The following PAK5 variants were observed in gnomAD, a reference collection of about 807,000 sequenced individuals.
PAK5 encodes the protein p21 (RAC1) activated kinase 5.
Under a neutral mutation model 65.9 loss-of-function variants are expected in PAK5, and 16 were observed. The ratio of observed to expected loss-of-function variants is 0.24; its 90% CI spans 0.16 to 0.37. PAK5 has a LOEUF of 0.37. PAK5 is among the 10% of genes least tolerant of loss of function. PAK5 has a pLI of 1.00. For synonymous variants in PAK5, 371 were observed against 354.9 expected (o/e 1.05, Z -0.51); for missense variants, 785 against 903.9 (o/e 0.87, Z 1.69).
chr20:9,595,106 TACACATATAC>T (rs1568987134), intron 3 of PAK5, among the ~76,000 whole-genome samples: 4 of 150,882 alleles, frequency 2.7e-5, no homozygotes, highest in African/African-American at 7.3e-5. Context: ...TACATATATA[TACACATATAC>T]ATATATATAG....
At chr20:9,746,707 C>T (rs990769747) in intron 1 of PAK5, among the ~76,000 whole-genome samples, 3 of 152,016 alleles carry the variant, frequency 2.0e-5, no homozygotes, top group Non-Finnish European at 2.9e-5. Flanking sequence ...TTCAAATAGC[C>T]ACAGTGGCTA....
At chr20:9,641,646 G>A (rs1353079563) in intron 3 of PAK5, among the ~76,000 whole-genome samples, 1 of 152,014 alleles carries the variant, frequency 6.6e-6, no homozygotes, top group African/African-American at 2.4e-5. Context: ...AGGGGGTGGT[G>A]CTCGTCAGGG....
chr20:9,732,193 T>A (rs77416239), intron 1 of PAK5, among the ~76,000 whole-genome samples: 2 of 39,906 alleles, frequency 5.0e-5, no homozygotes, highest in Non-Finnish European at 1.1e-4. Context: ...AAGTTTAAGT[T>A]AAAAAAAAAG....
At chr20:9,791,567 C>T (rs2049050545) in intron 1 of PAK5, among the ~76,000 whole-genome samples, 1 of 152,110 alleles carries the variant, frequency 6.6e-6, no homozygotes, top group Non-Finnish European at 1.5e-5. Context: ...CTGAGTCCTT[C>T]TTTTCCCACC....
At chr20:9,676,499 G>C (rs1430481601) in intron 2 of PAK5, among the ~76,000 whole-genome samples, 1 of 152,092 alleles carries the variant, frequency 6.6e-6, no homozygotes, top group Non-Finnish European at 1.5e-5. Context: ...CCTGGGAACT[G>C]TGTGAATATT....
At chr20:9,719,448 C>A (rs1211469763) in intron 1 of PAK5, among the ~76,000 whole-genome samples, 1 of 152,064 alleles carries the variant, frequency 6.6e-6, no homozygotes, top group Non-Finnish European at 1.5e-5. Flanking sequence ...GAGTTTCTGG[C>A]CTTTTTGAGA....
chr20:9,650,642 C>G (rs897227503), intron 2 of PAK5, among the ~76,000 whole-genome samples: 2 of 152,070 alleles, frequency 1.3e-5, no homozygotes, highest in African/African-American at 4.8e-5. Context: ...TGTGGGTATT[C>G]CTACATTTTT....
intron 1 of PAK5, among the ~76,000 whole-genome samples, chr20:9,775,690 C>T (rs2048880284): frequency 6.6e-6 from 1 of 152,086 alleles, no homozygotes; most frequent in Non-Finnish European, 1.5e-5. Context: ...GATCAAAGCA[C>T]AAAAAGCATA....
intron 1 of PAK5, among the ~76,000 whole-genome samples, chr20:9,732,802 A>T (rs1600300883): frequency 2.6e-5 from 4 of 152,070 alleles, no homozygotes; most frequent in South Asian, 4.2e-4. Context: ...AAATAGTAAG[A>T]CCTCTGTCTG....
intron 1 of PAK5, among the ~76,000 whole-genome samples, chr20:9,770,357 G>A (rs530151281): frequency 7.9e-5 from 12 of 152,276 alleles, no homozygotes; most frequent in Admixed American, 2.0e-4. Context: ...AAGAAAATCA[G>A]CTGAAGGTGA....
At chr20:9,637,739 A>T (rs1412793886) in intron 3 of PAK5, among the ~76,000 whole-genome samples, 2 of 152,238 alleles carry the variant, frequency 1.3e-5, no homozygotes, top group African/African-American at 4.8e-5. Context: ...ACATCATTTC[A>T]TAAAACTCAC....
At chr20:9,768,399 T>C (rs1164849051) in intron 1 of PAK5, among the ~76,000 whole-genome samples, 4 of 152,070 alleles carry the variant, frequency 2.6e-5, no homozygotes, top group African/African-American at 7.2e-5. Context: ...TTGGGTACTA[T>C]GCCCATACCT....
intron 1 of PAK5, among the ~76,000 whole-genome samples, chr20:9,824,721 G>A (rs888717215): frequency 1.2e-4 from 19 of 152,134 alleles, no homozygotes; most frequent in African/African-American, 4.6e-4. Context: ...ACCCATCACA[G>A]CCCTTTTGAT....
intron 3 of PAK5, among the ~76,000 whole-genome samples, chr20:9,637,624 A>G (rs2046999007): frequency 6.6e-6 from 1 of 152,196 alleles, no homozygotes; most frequent in African/African-American, 2.4e-5. Flanking sequence ...AATTGAAAAA[A>G]AAGCTAGAGT....
At chr20:9,636,411 G>A (rs1206708081) in intron 3 of PAK5, among the ~76,000 whole-genome samples, 1 of 152,130 alleles carries the variant, frequency 6.6e-6, no homozygotes, top group Non-Finnish European at 1.5e-5. Context: ...GATTTTTCCT[G>A]TTTTTGTGAA....
chr20:9,648,679 A>G (rs1320704737), intron 2 of PAK5, among the ~76,000 whole-genome samples: 1 of 152,162 alleles, frequency 6.6e-6, no homozygotes. Context: ...CTTTCATAGA[A>G]GAGGAAACAG....
intron 7 of PAK5, among the ~76,000 whole-genome samples, chr20:9,548,592 A>G (rs542252796): frequency 2.7e-4 from 41 of 152,278 alleles, no homozygotes; most frequent in African/African-American, 9.4e-4. Flanking sequence ...CTGCTTTCTG[A>G]TTGCAGAGCC....
At chr20:9,640,173 A>G (rs2047034118) in intron 3 of PAK5, among the ~76,000 whole-genome samples, 2 of 150,722 alleles carry the variant, frequency 1.3e-5, no homozygotes, top group South Asian at 4.3e-4. Flanking sequence ...ATCATTTAGC[A>G]TTAGGTGTAT....
intron 1 of PAK5, among the ~76,000 whole-genome samples, chr20:9,821,119 C>A (rs1228060803): frequency 2.0e-5 from 3 of 152,168 alleles, no homozygotes; most frequent in Non-Finnish European, 4.4e-5. Flanking sequence ...CGATGGCTTA[C>A]ACCTGTAATC....
Sources: gnomAD v4.1 joint callset for allele counts (sites outside exome capture counted in the v4.1 genomes callset) on GRCh38, gnomAD v4.1.1 for gene constraint, MANE v1.5 for transcripts, NCBI Gene and HGNC (gene_info 2026-07-23, HGNC 2026-07-21) for gene names.